DLG2: variants seen among roughly 807,000 people sequenced by gnomAD.
DLG2 encodes the protein disks large homolog 2.
Under a neutral mutation model 132.5 loss-of-function variants are expected in DLG2, and 45 were observed. That is an observed-to-expected ratio of 0.34 (90% confidence interval 0.27 to 0.44). The LOEUF is 0.44. Ranked by LOEUF, DLG2 falls within the 20% of genes least tolerant of loss-of-function variation. The probability of loss-of-function intolerance (pLI) is 1.00; values close to 1 mark genes in which losing one functional copy is unlikely to be tolerated. For missense variants in DLG2, 1,045 were observed against 1,196.9 expected (o/e 0.87, Z 1.87); for synonymous variants, 424 against 419.6 (o/e 1.01, Z -0.13).
chr11:84,310,314 G>A (rs1377497292), intron 7 of DLG2, among the ~76,000 whole-genome samples: 4 of 152,168 alleles, frequency 2.6e-5, no homozygotes, highest in African/African-American at 9.7e-5. Context: ...GTGATCATAA[G>A]CATTACTCTT....
intron 3 of DLG2, among the ~76,000 whole-genome samples, chr11:85,472,848 T>C (rs1261744548): frequency 6.6e-6 from 1 of 152,224 alleles, no homozygotes; most frequent in East Asian, 1.9e-4. Flanking sequence ...CTGAATGAGC[T>C]GTAACACAAA....
intron 7 of DLG2, among the ~76,000 whole-genome samples, chr11:84,400,859 A>G (rs1315817077): frequency 6.6e-6 from 1 of 152,134 alleles, no homozygotes; most frequent in Admixed American, 6.5e-5. Flanking sequence ...TATCAAGACT[A>G]TAGAATTCTC....
At position 84,409,341 on chromosome 11, in the gene DLG2, C is replaced by G. The variant is rs140376656; in HGVS notation, c.519+125229G>C. On this transcript the variant is annotated intron_variant, in intron 7 of 27. Transcript: ENST00000376104. Reference sequence around the variant, plus strand: ...GGATCTCCTACCAACAGCATGCAACCCTAATCAGCAGCAAGAGTGGAATCC... The same window carrying G: ...GGATCTCCTACCAACAGCATGCAACGCTAATCAGCAGCAAGAGTGGAATCC... Among the ~76,000 whole-genome samples, 399 of 152,244 alleles carry G rather than the reference C, an allele frequency of 2.6e-3. 4 individuals carry two copies. Among genetic ancestry groups the G allele is most frequent in the African/African-American group, 9.1e-3 (379 of 41,544 alleles).
At chr11:84,671,273 A>G (rs768578880) in intron 6 of DLG2, among the ~76,000 whole-genome samples, 1 of 151,720 alleles carries the variant, frequency 6.6e-6, no homozygotes, top group Non-Finnish European at 1.5e-5. Context: ...TTATTTTTTT[A>G]AATTTTTTTT....
intron 18 of DLG2, among the ~76,000 whole-genome samples, chr11:83,773,430 C>T (rs1485148273): frequency 6.6e-6 from 1 of 152,192 alleles, no homozygotes; most frequent in Admixed American, 6.5e-5. Flanking sequence ...TTTTCAAATT[C>T]TCAAAGCCAC....
At chr11:84,706,599 A>T (rs1035725525) in intron 6 of DLG2, among the ~76,000 whole-genome samples, 1 of 151,756 alleles carries the variant, frequency 6.6e-6, no homozygotes, top group Non-Finnish European at 1.5e-5. Flanking sequence ...TACTGATGAA[A>T]CTTACTTTGG....
intron 6 of DLG2, among the ~76,000 whole-genome samples, chr11:84,898,603 A>T (rs188448939): frequency 6.3e-4 from 96 of 152,078 alleles, no homozygotes; most frequent in African/African-American, 2.2e-3. Context: ...ATATTTCTGG[A>T]AAATGTGCCA....
At chr11:85,372,510 T>G (rs1228968588) in intron 3 of DLG2, among the ~76,000 whole-genome samples, 1 of 152,214 alleles carries the variant, frequency 6.6e-6, no homozygotes, top group African/African-American at 2.4e-5. Context: ...ATCTAAGGGA[T>G]CCAGAAGCAA....
At chr11:85,247,208 A>G (rs2076177785) in intron 4 of DLG2, among the ~76,000 whole-genome samples, 2 of 152,226 alleles carry the variant, frequency 1.3e-5, no homozygotes, top group Admixed American at 1.3e-4. Flanking sequence ...GTAACATCAG[A>G]AAACTATTAG....
intron 7 of DLG2, among the ~76,000 whole-genome samples, chr11:84,447,337 C>T (rs1242908522): frequency 1.3e-5 from 2 of 152,016 alleles, no homozygotes; most frequent in Non-Finnish European, 2.9e-5. Context: ...TATTTTTATT[C>T]ATATTCCAAT....
chr11:85,122,068 G>T (rs2074390010), intron 5 of DLG2, among the ~76,000 whole-genome samples: 1 of 152,106 alleles, frequency 6.6e-6, no homozygotes, highest in Non-Finnish European at 1.5e-5. Flanking sequence ...TTAAATGAAA[G>T]AATCAATCAA....
intron 6 of DLG2, among the ~76,000 whole-genome samples, chr11:84,901,896 G>A (rs967222833): frequency 6.6e-6 from 1 of 151,888 alleles, no homozygotes; most frequent in Non-Finnish European, 1.5e-5. Context: ...TTGAATTAAG[G>A]GGGGAAAAAA....
rs976882528 is a variant in DLG2, at chr11:85,610,998, G to C, written c.-92-12210C>G. Among the ~76,000 whole-genome samples, 3 of 152,182 alleles carry C rather than the reference G, an allele frequency of 2.0e-5. No homozygotes were observed. The East Asian group carries it at 5.8e-4, about 29-fold the overall frequency. On this transcript the variant is annotated intron_variant, in intron 2 of 27. Coordinates refer to ENST00000376104, the MANE Select transcript of DLG2 (RefSeq NM_001142699.3). Reference sequence around the variant, plus strand: ...AGAATGAGAACCAGGGTCAGAAACAGCCTTCAAAACCTTAAAGCGGGCCCT... The same window carrying C: ...AGAATGAGAACCAGGGTCAGAAACACCCTTCAAAACCTTAAAGCGGGCCCT...
At chr11:84,557,405 T>G (rs1282141109) in intron 6 of DLG2, among the ~76,000 whole-genome samples, 1 of 152,150 alleles carries the variant, frequency 6.6e-6, no homozygotes, top group African/African-American at 2.4e-5. Flanking sequence ...TTCCTTAAAA[T>G]AAATTTGTTT....
At chr11:85,198,880 C>T (rs1309955763) in intron 4 of DLG2, among the ~76,000 whole-genome samples, 1 of 152,114 alleles carries the variant, frequency 6.6e-6, no homozygotes, top group Non-Finnish European at 1.5e-5. Flanking sequence ...TTCACTGGGG[C>T]TCCGTGCTTT....
intron 6 of DLG2, among the ~76,000 whole-genome samples, chr11:84,774,286 AC>A (rs566583545): frequency 1.1e-4 from 17 of 152,140 alleles, no homozygotes; most frequent in Non-Finnish European, 2.4e-4. Context: ...AAATAAAAAA[AC>A]AACAGATGAC....
rs1055080739 is a variant in DLG2, at chr11:84,135,538, T to C, written c.624+27923A>G. Among the ~76,000 whole-genome samples, 4 of 152,172 alleles carry C rather than the reference T, an allele frequency of 2.6e-5. No individual in the cohort carries two copies. In the East Asian group the frequency reaches 7.7e-4, roughly 29 times the overall value. ...AGGGAAGGATCCTAGAAGGACATAA[T>C]ATCAAGTTCACATATGAAGTTTGAG... On this transcript the variant is annotated intron_variant, in intron 9 of 27. Transcript: ENST00000376104.
intron 7 of DLG2, among the ~76,000 whole-genome samples, chr11:84,353,569 T>G (rs542300873): frequency 1.3e-5 from 2 of 152,200 alleles, no homozygotes; most frequent in South Asian, 2.1e-4. Context: ...GCTTTTTAAC[T>G]ATTGTCTCCT....
intron 4 of DLG2, among the ~76,000 whole-genome samples, chr11:85,165,790 C>G (rs2078395835): frequency 1.3e-5 from 2 of 152,178 alleles, no homozygotes; most frequent in Admixed American, 1.3e-4. Flanking sequence ...TATAAACCTG[C>G]ACTGCAGTTT....
Sources: gnomAD v4.1 joint callset for allele counts (sites outside exome capture counted in the v4.1 genomes callset) on GRCh38, gnomAD v4.1.1 for gene constraint, MANE v1.5 for transcripts, NCBI Gene and HGNC (gene_info 2026-07-23, HGNC 2026-07-21) for gene names.